ABTB3: variants seen among roughly 807,000 people sequenced by gnomAD.
The protein encoded by ABTB3 is ankyrin repeat- and BTB/POZ domain-containing protein 3.
chr12:107,423,925 C>G, the ABTB3 span, among the ~76,000 whole-genome samples: 1 of 152,212 alleles, frequency 6.6e-6, no homozygotes, highest in African/African-American at 2.4e-5. Flanking sequence ...TAGTTTTGTA[C>G]TTGCCTGAGT....
the ABTB3 span, among the ~76,000 whole-genome samples, chr12:107,538,912 T>G: frequency 6.6e-6 from 1 of 152,138 alleles, no homozygotes; most frequent in Non-Finnish European, 1.5e-5. Flanking sequence ...GTCAGACTTT[T>G]TAAGGGCCAC....
the ABTB3 span, among the ~76,000 whole-genome samples, chr12:107,510,398 C>A: frequency 6.6e-6 from 1 of 151,908 alleles, no homozygotes; most frequent in African/African-American, 2.4e-5. Flanking sequence ...ATACAATCAT[C>A]TCCTGCTTGT....
the ABTB3 span, among the ~76,000 whole-genome samples, chr12:107,365,493 C>T: frequency 1.4e-4 from 22 of 152,160 alleles, no homozygotes; most frequent in African/African-American, 5.1e-4. Flanking sequence ...CCCAATCCAG[C>T]TGTACTAGAT....
chr12:107,495,376 A>G, the ABTB3 span, among the ~76,000 whole-genome samples: 1 of 152,208 alleles, frequency 6.6e-6, no homozygotes, highest in Non-Finnish European at 1.5e-5. Context: ...GGCTTGGGCC[A>G]GATTGTCCCC....
At chr12:107,487,218 G>A in the ABTB3 span, among the ~76,000 whole-genome samples, 1 of 152,174 alleles carries the variant, frequency 6.6e-6, no homozygotes, top group Non-Finnish European at 1.5e-5. Flanking sequence ...GAAGTCGTCT[G>A]TTCATCATTG....
chr12:107,623,099 T>C, the ABTB3 span, among the ~76,000 whole-genome samples: 2 of 151,388 alleles, frequency 1.3e-5, no homozygotes, highest in Non-Finnish European at 2.9e-5. Context: ...CTTGCTCTGT[T>C]GCCCAGGCTG....
the ABTB3 span, among the ~76,000 whole-genome samples, chr12:107,624,578 C>T: frequency 6.6e-6 from 1 of 152,196 alleles, no homozygotes; most frequent in Non-Finnish European, 1.5e-5. Context: ...TAAATGGAAT[C>T]ATACAGTATG....
chr12:107,591,671 C>A, the ABTB3 span, among the ~76,000 whole-genome samples: 8 of 152,188 alleles, frequency 5.3e-5, no homozygotes, highest in Non-Finnish European at 1.0e-4. Context: ...GAAACTGAGG[C>A]ATGTCATGGG....
At chr12:107,582,097 C>A in the ABTB3 span, among the ~76,000 whole-genome samples, 6 of 152,094 alleles carry the variant, frequency 3.9e-5, no homozygotes, top group South Asian at 1.2e-3. Context: ...AGATTTCTGC[C>A]CTTTCAGATC....
chr12:107,557,644 G>C, the ABTB3 span, among the ~76,000 whole-genome samples: 1 of 152,176 alleles, frequency 6.6e-6, no homozygotes, highest in Non-Finnish European at 1.5e-5. Flanking sequence ...AATAGTGAGA[G>C]ATAATATTCA....
chr12:107,541,616 C>T, the ABTB3 span, among the ~76,000 whole-genome samples: 3 of 152,234 alleles, frequency 2.0e-5, no homozygotes, highest in African/African-American at 7.2e-5. Flanking sequence ...GAACTTCAGT[C>T]TTTTCTCTTA....
chr12:107,433,013 C>T, the ABTB3 span, among the ~76,000 whole-genome samples: 14 of 152,200 alleles, frequency 9.2e-5, no homozygotes, highest in East Asian at 7.7e-4. Context: ...TGGCCGGGCG[C>T]GGTGGCTCAC....
At chr12:107,396,947 T>C in the ABTB3 span, among the ~76,000 whole-genome samples, 1 of 152,250 alleles carries the variant, frequency 6.6e-6, no homozygotes, top group African/African-American at 2.4e-5. Flanking sequence ...CTATGGGTGA[T>C]ATTCTGCAAC....
At chr12:107,619,514 T>A in the ABTB3 span, among the ~76,000 whole-genome samples, 3 of 152,192 alleles carry the variant, frequency 2.0e-5, no homozygotes, top group Non-Finnish European at 4.4e-5. Flanking sequence ...AGCTCTCATC[T>A]GGGCACGGAT....
chr12:107,439,006 T>C, the ABTB3 span, among the ~76,000 whole-genome samples: 1 of 152,194 alleles, frequency 6.6e-6, no homozygotes, highest in African/African-American at 2.4e-5. Context: ...ACATAAGGCT[T>C]CACCCCTTTT....
the ABTB3 span, among the ~76,000 whole-genome samples, chr12:107,508,438 C>CTTTTTTTTTTTTTTTTTTTTTTTTT: frequency 3.6e-4 from 25 of 69,164 alleles, 4 homozygotes; most frequent in East Asian, 1.1e-3. Context: ...AAGATCATTT[C>CTTTTTTTTTTTTTTTTTTTTTTTTT]TTTTTTTTTT....
the ABTB3 span, chr12:107,544,105 G>A: frequency 5.9e-5 from 96 of 1,613,962 alleles, no homozygotes; most frequent in Middle Eastern, 1.6e-4. Flanking sequence ...AAACCCCAAC[G>A]TGGAGCCTTC....
chr12:107,319,162 G>A, the ABTB3 span: 1 of 1,600,596 alleles, frequency 6.2e-7, no homozygotes, highest in Admixed American at 1.7e-5. Flanking sequence ...CTGCCCTGGT[G>A]GAAGACTCCG....
the ABTB3 span, chr12:107,610,089 T>G: frequency 7.1e-7 from 1 of 1,413,504 alleles, no homozygotes; most frequent in South Asian, 1.2e-5. Context: ...GCAATTTACA[T>G]GAAAAGCAAA....
Sources: allele counts gnomAD v4.1 joint callset (sites outside exome capture counted in the v4.1 genomes callset), GRCh38; gene constraint gnomAD v4.1.1; transcripts MANE v1.5; gene names NCBI Gene and HGNC (gene_info 2026-07-23, HGNC 2026-07-21).